GPC5: variants seen among roughly 807,000 people sequenced by gnomAD.
GPC5 encodes the protein glypican 5.
GPC5 carries 47 observed loss-of-function variants against 53.9 expected under a neutral mutation model. The ratio of observed to expected loss-of-function variants is 0.87; its 90% CI spans 0.69 to 1.11. GPC5 has a LOEUF of 1.11. Among genes scored for constraint, GPC5 ranks in the 50% most tolerant of loss-of-function variants. The pLI, the probability that GPC5 is intolerant of heterozygous loss-of-function variation, is 0.00. For missense variants in GPC5, 748 were observed against 713.1 expected, an observed-to-expected ratio of 1.05 and a Z score of -0.56; for synonymous variants, 286 against 263.3, an observed-to-expected ratio of 1.09 and a Z score of -0.84.
intron 7 of GPC5, among the ~76,000 whole-genome samples, chr13:92,248,965 G>T (rs140985986): frequency 7.0e-4 from 107 of 152,080 alleles, no homozygotes; most frequent in East Asian, 3.7e-3. Context: ...CAGATACAAG[G>T]ATTATTTTAT....
At chr13:91,791,944 G>A (rs1472544555) in intron 5 of GPC5, among the ~76,000 whole-genome samples, 1 of 152,194 alleles carries the variant, frequency 6.6e-6, no homozygotes, top group Non-Finnish European at 1.5e-5. Flanking sequence ...TATGAAGCTT[G>A]ATTCTAATAG....
intron 5 of GPC5, among the ~76,000 whole-genome samples, chr13:91,848,884 A>G (rs1172887370): frequency 6.6e-6 from 1 of 152,204 alleles, no homozygotes. Flanking sequence ...AAAATCAGAT[A>G]TTCCTGAAAG....
At chr13:92,008,306 C>T (rs1383845222) in intron 6 of GPC5, among the ~76,000 whole-genome samples, 4 of 152,078 alleles carry the variant, frequency 2.6e-5, no homozygotes, top group Non-Finnish European at 4.4e-5. Context: ...TCGTGATCCG[C>T]CCGCCTCGGC....
intron 6 of GPC5, among the ~76,000 whole-genome samples, chr13:92,002,182 A>T (rs1157773250): frequency 2.0e-5 from 3 of 151,912 alleles, no homozygotes; most frequent in African/African-American, 7.2e-5. Flanking sequence ...GATAGGGAAT[A>T]CCTACATATA....
chr13:92,182,825 T>C (rs2042156937), intron 7 of GPC5, among the ~76,000 whole-genome samples: 2 of 150,444 alleles, frequency 1.3e-5, no homozygotes, highest in African/African-American at 2.5e-5. Flanking sequence ...GCCGAGATCG[T>C]GCCACTGCAC....
chr13:92,325,782 C>T (rs1352302685), intron 7 of GPC5, among the ~76,000 whole-genome samples: 12 of 151,962 alleles, frequency 7.9e-5, no homozygotes, highest in Admixed American at 4.6e-4. Flanking sequence ...ATATAAAAGA[C>T]TAAGAATTAC....
intron 7 of GPC5, among the ~76,000 whole-genome samples, chr13:92,496,693 A>G (rs1419811187): frequency 6.6e-6 from 1 of 152,198 alleles, no homozygotes; most frequent in Non-Finnish European, 1.5e-5. Context: ...AAGCTTTAAG[A>G]AAAGACCCAG....
intron 7 of GPC5, among the ~76,000 whole-genome samples, chr13:92,397,386 T>C (rs1469983541): frequency 6.6e-6 from 1 of 152,236 alleles, no homozygotes; most frequent in African/African-American, 2.4e-5. Flanking sequence ...TGCCCGCCAC[T>C]GTGGAAGATA....
At chr13:92,805,077 G>A (rs1877043157) in intron 7 of GPC5, among the ~76,000 whole-genome samples, 1 of 151,966 alleles carries the variant, frequency 6.6e-6, no homozygotes, top group African/African-American at 2.4e-5. Flanking sequence ...CTGAACCCTT[G>A]AAAGTCATCC....
At chr13:91,843,877 A>G (rs2038818872) in intron 5 of GPC5, among the ~76,000 whole-genome samples, 1 of 152,222 alleles carries the variant, frequency 6.6e-6, no homozygotes, top group African/African-American at 2.4e-5. Context: ...GTAAGAGAGC[A>G]TATGAAGGAT....
intron 7 of GPC5, among the ~76,000 whole-genome samples, chr13:92,324,950 T>G (rs79279590): frequency 8.2e-4 from 125 of 151,894 alleles, no homozygotes; most frequent in Admixed American, 1.8e-3. Flanking sequence ...TCTGAAAAAA[T>G]TATAAACTGA....
intron 7 of GPC5, among the ~76,000 whole-genome samples, chr13:92,678,714 G>A (rs1267593657): frequency 6.6e-6 from 1 of 152,108 alleles, no homozygotes; most frequent in Non-Finnish European, 1.5e-5. Context: ...GCTACAGAAG[G>A]CAATAGAGGC....
intron 5 of GPC5, among the ~76,000 whole-genome samples, chr13:91,812,790 C>T (rs900652292): frequency 6.6e-6 from 1 of 152,176 alleles, no homozygotes; most frequent in Non-Finnish European, 1.5e-5. Context: ...AATCACTTAA[C>T]TGTTGGAGTA....
chr13:91,816,649 A>C (rs2038404571), intron 5 of GPC5, among the ~76,000 whole-genome samples: 1 of 152,194 alleles, frequency 6.6e-6, no homozygotes, highest in Non-Finnish European at 1.5e-5. Flanking sequence ...AGCAGAGCTT[A>C]GTAGTTAGTA....
At chr13:92,077,419 A>G (rs1249731079) in intron 6 of GPC5, among the ~76,000 whole-genome samples, 1 of 152,200 alleles carries the variant, frequency 6.6e-6, no homozygotes, top group Non-Finnish European at 1.5e-5. Flanking sequence ...TACAGAGTAG[A>G]TGACTCTGTG....
intron 7 of GPC5, among the ~76,000 whole-genome samples, chr13:92,654,045 G>A (rs1886045759): frequency 6.6e-6 from 1 of 152,224 alleles, no homozygotes; most frequent in Non-Finnish European, 1.5e-5. Context: ...GCCTTGCACA[G>A]AGTCAGTACT....
chr13:92,259,293 C>T (rs1032601292), intron 7 of GPC5, among the ~76,000 whole-genome samples: 30 of 152,148 alleles, frequency 2.0e-4, no homozygotes, highest in Admixed American at 1.2e-3. Context: ...TTCCTCTTTC[C>T]GTTGTTTATG....
chr13:91,599,214 A>G (rs1336211), intron 2 of GPC5, among the ~76,000 whole-genome samples: 5,697 of 152,190 alleles, frequency 0.037, 355 homozygotes, highest in African/African-American at 0.13. Context: ...ATCCTTGCAG[A>G]GATACTAATC....
In GPC5 at chr13:91,693,528, C is replaced by T. The variant is rs373344201; in HGVS notation, c.667C>T (p.Arg223Cys). ...GATGGGGAGGTCCCTGCTGCCCAGC[C>T]GCACTTTTCTGCAGGCACTCAATCT... The part of the protein sequence containing the change: ...GQMGRSLLPS[R>C]TFLQALNLGI... Residue 223 changes from arginine (R) to cysteine (C), a missense_variant, in exon 3 of 8, where the codon CGC (arginine) becomes TGC (cysteine). Coordinates refer to ENST00000377067, the MANE Select transcript of GPC5 (RefSeq NM_004466.6). 356 of 1,613,964 alleles carry T rather than the reference C, an allele frequency of 2.2e-4. No homozygotes were observed. Among genetic ancestry groups the T allele is most frequent in the Non-Finnish European group, 2.8e-4 (330 of 1,180,014 alleles).
Sources: gnomAD v4.1 joint callset for allele counts (sites outside exome capture counted in the v4.1 genomes callset) on GRCh38, gnomAD v4.1.1 for gene constraint, MANE v1.5 for transcripts, NCBI Gene and HGNC (gene_info 2026-07-23, HGNC 2026-07-21) for gene names.